Variants in ASB4 observed in about 807,000 individuals in gnomAD.
ASB4 encodes ankyrin repeat and SOCS box containing 4, also known as ankyrin repeat and SOCS box protein 4.
A neutral mutation model predicts 38.6 loss-of-function variants in ASB4; 35 were observed. The observed-to-expected ratio is 0.91, with a 90% confidence interval of 0.69 to 1.20. ASB4 has a LOEUF of 1.20. ASB4 is among the 50% of genes most tolerant of loss of function. ASB4 has a pLI of 0.00. For missense variants in ASB4, 557 were observed against 527.2 expected (o/e 1.06, Z -0.55); for synonymous variants, 195 against 201.3 (o/e 0.97, Z 0.26).
chr7:95,471,880 T>TTTTTTTTTTTTTTTTTTTTTTG, the ASB4 span: 2 of 150,704 alleles, frequency 1.3e-5, no homozygotes, highest in Non-Finnish European at 1.5e-5. Context: ...CTGCTTTTTT[T>TTTTTTTTTTTTTTTTTTTTTTG]AACAGATGAA....
At chr7:95,514,255 G>A (rs556641676) in intron 2 of ASB4, among the ~76,000 whole-genome samples, 3 of 152,138 alleles carry the variant, frequency 2.0e-5, no homozygotes, top group East Asian at 1.9e-4. Flanking sequence ...CTGTCTCACC[G>A]ACACTATAAC....
chr7:95,496,768 A>T (rs1790255031), intron 2 of ASB4, among the ~76,000 whole-genome samples: 1 of 152,158 alleles, frequency 6.6e-6, no homozygotes, highest in Middle Eastern at 3.2e-3. Flanking sequence ...GGGTCACTTG[A>T]TCCCAAGAGG....
At chr7:95,525,784 C>T (rs1790728350) in intron 2 of ASB4, among the ~76,000 whole-genome samples, 1 of 152,172 alleles carries the variant, frequency 6.6e-6, no homozygotes, top group African/African-American at 2.4e-5. Flanking sequence ...TTCTCTAGGG[C>T]AGAATACTGA....
At chr7:95,500,767 A>G (rs1790324974) in intron 2 of ASB4, among the ~76,000 whole-genome samples, 1 of 152,034 alleles carries the variant, frequency 6.6e-6, no homozygotes, top group African/African-American at 2.4e-5. Context: ...CCTGTCTCAT[A>G]CATCTTCAAC....
chr7:95,487,218 G>C (rs184277991), intron 1 of ASB4, among the ~76,000 whole-genome samples: 3 of 152,226 alleles, frequency 2.0e-5, no homozygotes, highest in Admixed American at 2.0e-4. Flanking sequence ...TAGTTACTAT[G>C]TTTATGATTT....
intron 2 of ASB4, among the ~76,000 whole-genome samples, chr7:95,521,430 G>C (rs898742323): frequency 3.9e-5 from 6 of 152,010 alleles, no homozygotes; most frequent in Non-Finnish European, 8.8e-5. Flanking sequence ...AGTATCAAAT[G>C]TTGGAAATGA....
At chr7:95,502,280 T>C (rs1790350127) in intron 2 of ASB4, among the ~76,000 whole-genome samples, 1 of 152,128 alleles carries the variant, frequency 6.6e-6, no homozygotes, top group Admixed American at 6.6e-5. Context: ...ATTAGCTATT[T>C]TGTTGTTGTT....
At chr7:95,497,144 G>A (rs1191349441) in intron 2 of ASB4, among the ~76,000 whole-genome samples, 1 of 152,004 alleles carries the variant, frequency 6.6e-6, no homozygotes, top group Non-Finnish European at 1.5e-5. Context: ...GCTCTGAAAT[G>A]GAGCCACAAA....
the ASB4 span, among the ~76,000 whole-genome samples, chr7:95,471,614 C>A: frequency 6.6e-6 from 1 of 152,098 alleles, no homozygotes; most frequent in Non-Finnish European, 1.5e-5. Context: ...TGGAAATAAA[C>A]AATAATTGTC....
chr7:95,521,970 CA>C (rs1255322336), intron 2 of ASB4, among the ~76,000 whole-genome samples: 1 of 151,854 alleles, frequency 6.6e-6, no homozygotes, highest in Non-Finnish European at 1.5e-5. Flanking sequence ...AAAACTAAAG[CA>C]AATATGGTAA....
At chr7:95,509,693 T>C (rs1790455128) in intron 2 of ASB4, among the ~76,000 whole-genome samples, 1 of 152,182 alleles carries the variant, frequency 6.6e-6, no homozygotes, top group African/African-American at 2.4e-5. Context: ...ATGTTGCCGG[T>C]ATACATGCAT....
At chr7:95,515,217 CTT>C (rs752644523) in intron 2 of ASB4, among the ~76,000 whole-genome samples, 103 of 113,620 alleles carry the variant, frequency 9.1e-4, no homozygotes, top group African/African-American at 4.3e-3. Context: ...TTCTTTCTTT[CTT>C]TCTTTCTTTC....
intron 3 of ASB4, among the ~76,000 whole-genome samples, chr7:95,531,173 A>G (rs1017080073): frequency 2.0e-5 from 3 of 152,120 alleles, no homozygotes; most frequent in Non-Finnish European, 2.9e-5. Flanking sequence ...GACTTCTTTC[A>G]GTCACAGCAG....
At position 95,528,076 on chromosome 7, in the gene ASB4, G is replaced by A. The variant is rs1790767928; in HGVS notation, c.751G>A (p.Asp251Asn). Residue 251 changes from aspartate (D) to asparagine (N), a missense_variant, in exon 3 of 5, where the codon GAC (aspartate) becomes AAC (asparagine). Physicochemically the swap from Asp to Asn is conservative, Grantham distance 23 (BLOSUM62 1). Transcript: ENST00000325885. ...AGCCGAAGTCAATGCCCGAGATGACGACTTTAAATCTCCCCTCCACAAGGC... is the reference window on the plus strand; with the variant it reads ...AGCCGAAGTCAATGCCCGAGATGACAACTTTAAATCTCCCCTCCACAAGGC... ...YKAEVNARDD[D>N]FKSPLHKAAW... The A allele has an allele frequency of 6.2e-7, 1 of 1,614,044 alleles. No homozygotes were observed. Among genetic ancestry groups the A allele is most frequent in the Non-Finnish European group, 8.5e-7 (1 of 1,180,042 alleles).
chr7:95,540,958 G>C (rs6966733), downstream of ASB4, among the ~76,000 whole-genome samples: 40,549 of 152,208 alleles, frequency 0.27, 6,146 homozygotes, highest in Non-Finnish European at 0.35. Context: ...CTGATTGTTT[G>C]TGAAGAACTT....
chr7:95,483,758 TG>T (rs1486311921), upstream of ASB4, among the ~76,000 whole-genome samples: 3 of 152,234 alleles, frequency 2.0e-5, no homozygotes, highest in African/African-American at 7.2e-5. Flanking sequence ...GTATCTGCAG[TG>T]CCCAGAATAA....
chr7:95,527,745 T>C (rs1477846545), intron 2 of ASB4, 68 bp from the exon 3 acceptor site: 1 of 1,429,010 alleles, frequency 7.0e-7, no homozygotes, highest in Non-Finnish European at 9.5e-7. Context: ...AAAAGTCTTG[T>C]TTAATGAACC....
At chr7:95,496,716 C>T (rs1169764575) in intron 2 of ASB4, among the ~76,000 whole-genome samples, 1 of 152,040 alleles carries the variant, frequency 6.6e-6, no homozygotes, top group South Asian at 2.1e-4. Flanking sequence ...GGCATGGTGG[C>T]ATGCACCTGT....
chr7:95,525,068 A>G (rs1260963974), intron 2 of ASB4, among the ~76,000 whole-genome samples: 1 of 152,348 alleles, frequency 6.6e-6, no homozygotes, highest in East Asian at 1.9e-4. Flanking sequence ...CCTGCAACAC[A>G]GAGACACAGA....
Sources: gnomAD v4.1 joint callset for allele counts (sites outside exome capture counted in the v4.1 genomes callset) on GRCh38, gnomAD v4.1.1 for gene constraint, MANE v1.5 for transcripts, NCBI Gene and HGNC (gene_info 2026-07-23, HGNC 2026-07-21) for gene names.